Variants in EEFSEC observed in about 807,000 individuals in gnomAD.
The protein encoded by EEFSEC is selenocysteine-specific elongation factor.
EEFSEC carries 43 observed loss-of-function variants against 42.1 expected under a neutral mutation model. The ratio of observed to expected loss-of-function variants is 1.02; its 90% confidence interval spans 0.80 to 1.32. The LOEUF is 1.32. Among genes scored for constraint, EEFSEC ranks in the 40% most tolerant of loss-of-function variants. The probability of loss-of-function intolerance (pLI) is 0.00; values close to 1 mark genes in which losing one functional copy is unlikely to be tolerated. For missense variants in EEFSEC, 745 were observed against 803.6 expected (o/e 0.93, Z 0.88); for synonymous variants, 354 against 339.1 (o/e 1.04, Z -0.48).
intron 1 of EEFSEC, among the ~76,000 whole-genome samples, chr3:128,215,655 A>T (rs931997773): frequency 2.0e-5 from 3 of 152,184 alleles, no homozygotes; most frequent in African/African-American, 7.2e-5. Context: ...TCCACCCCAA[A>T]CTGATTCTTA....
At chr3:128,207,397 T>G (rs2065708917) in intron 1 of EEFSEC, among the ~76,000 whole-genome samples, 1 of 152,076 alleles carries the variant, frequency 6.6e-6, no homozygotes. Context: ...CTGTGAACTA[T>G]GAAGAGGAGC....
chr3:128,284,671 G>A (rs1219210850), intron 4 of EEFSEC, among the ~76,000 whole-genome samples: 2 of 152,172 alleles, frequency 1.3e-5, no homozygotes, highest in Admixed American at 6.5e-5. Flanking sequence ...AAAGGGAAGG[G>A]TACAAAATCC....
intron 4 of EEFSEC, among the ~76,000 whole-genome samples, chr3:128,319,728 G>A (rs1459904864): frequency 1.3e-5 from 2 of 152,182 alleles, no homozygotes; most frequent in East Asian, 3.9e-4. Flanking sequence ...AGGAGGAGAC[G>A]ATCTGAATGC....
intron 1 of EEFSEC, among the ~76,000 whole-genome samples, chr3:128,166,034 A>G (rs752570991): frequency 6.6e-6 from 1 of 152,092 alleles, no homozygotes; most frequent in Non-Finnish European, 1.5e-5. Flanking sequence ...AGCATTCTCT[A>G]TTTTCTAAAA....
At chr3:128,227,514 G>A (rs2065920216) in intron 1 of EEFSEC, among the ~76,000 whole-genome samples, 1 of 152,158 alleles carries the variant, frequency 6.6e-6, no homozygotes, top group Admixed American at 6.5e-5. Context: ...TCCTGCCTTG[G>A]TTTCTTTGCT....
intron 6 of EEFSEC, among the ~76,000 whole-genome samples, chr3:128,379,161 C>T (rs2067744409): frequency 6.6e-6 from 1 of 152,236 alleles, no homozygotes; most frequent in Non-Finnish European, 1.5e-5. Flanking sequence ...CTGCTGCCAA[C>T]CCCCACCCAG....
chr3:128,209,086 A>G (rs1444765659), intron 1 of EEFSEC, among the ~76,000 whole-genome samples: 2 of 152,240 alleles, frequency 1.3e-5, no homozygotes, highest in Admixed American at 1.3e-4. Flanking sequence ...TTCCCAAAGC[A>G]TACTTTGTAG....
rs111312989 is a variant in EEFSEC at position 128,408,193 on chromosome 3, G to A, written c.1725G>A (p.Val575=). 2.1e-5 allele frequency: 34 copies of A among 1,612,736 alleles called. 2 individuals are homozygous for A. Among genetic ancestry groups the A allele is most frequent in the African/African-American group, 1.7e-4 (13 of 74,994 alleles). ...SAERSEPSQH[V]VLSLTFKRYV... ...AGCGGAGCGAGCCCTCACAGCATGTGGTGCTCAGCCTGACTTTCAAGCGTT... is the reference window on the plus strand; with the variant it reads ...AGCGGAGCGAGCCCTCACAGCATGTAGTGCTCAGCCTGACTTTCAAGCGTT... The change falls in exon 7 of 7, where the codon GTG becomes GTA. Residue 575 remains valine, a synonymous_variant. Coordinates refer to ENST00000254730, the MANE Select transcript of EEFSEC (RefSeq NM_021937.5).
At chr3:128,156,636 T>G (rs1181521335) in intron 1 of EEFSEC, among the ~76,000 whole-genome samples, 1 of 152,256 alleles carries the variant, frequency 6.6e-6, no homozygotes, top group African/African-American at 2.4e-5. Context: ...TTCACTTCAT[T>G]TCAAACACAT....
chr3:128,156,707 A>C (rs796169957), intron 1 of EEFSEC, among the ~76,000 whole-genome samples: 7 of 152,366 alleles, frequency 4.6e-5, no homozygotes, highest in African/African-American at 1.7e-4. Flanking sequence ...TAATTTTGAA[A>C]TGTCACAAAC....
rs1169285359 is a variant in EEFSEC at position 128,154,528 on chromosome 3, C to T, written c.316+705C>T. Among the ~76,000 whole-genome samples the T allele has an allele frequency of 2.6e-5, 4 of 151,968 alleles. No individual in the cohort carries two copies. In the East Asian group the frequency reaches 7.7e-4, roughly 29 times the overall value. ...GCAGTGGCACGATCTCGGCTCACTG[C>T]AACTTCCGCCTCCTGGGTTCAAGCG... On this transcript the variant is annotated intron_variant, in intron 1 of 6. Coordinates refer to ENST00000254730, the MANE Select transcript of EEFSEC (RefSeq NM_021937.5).
chr3:128,360,433 G>T (rs2067510722), intron 6 of EEFSEC, among the ~76,000 whole-genome samples: 1 of 152,250 alleles, frequency 6.6e-6, no homozygotes. Context: ...ATACTGAGGA[G>T]CACTGATCCT....
intron 4 of EEFSEC, among the ~76,000 whole-genome samples, chr3:128,276,109 C>T (rs953940695): frequency 6.6e-6 from 1 of 152,226 alleles, no homozygotes; most frequent in African/African-American, 2.4e-5. Context: ...TCCTCACCCT[C>T]CTGGGCTCAG....
At chr3:128,417,191 G>C in the EEFSEC span, among the ~76,000 whole-genome samples, 4 of 152,008 alleles carry the variant, frequency 2.6e-5, no homozygotes, top group African/African-American at 4.8e-5. The surrounding 1 kb of genome is among the most constrained non-coding windows in gnomAD (Gnocchi z 4.3). Context: ...CTGTTAAAAC[G>C]TGTCAGGGCC....
intron 4 of EEFSEC, among the ~76,000 whole-genome samples, chr3:128,289,803 C>G (rs1430498596): frequency 2.6e-5 from 4 of 152,222 alleles, no homozygotes; most frequent in Admixed American, 2.6e-4. Flanking sequence ...ACATCTGTCT[C>G]ATTGCTGTGG....
intron 6 of EEFSEC, among the ~76,000 whole-genome samples, chr3:128,405,791 G>A (rs958325578): frequency 2.6e-5 from 4 of 152,266 alleles, no homozygotes; most frequent in Non-Finnish European, 5.9e-5. Context: ...AGGAAGCTGG[G>A]CCCTCTGCCT....
intron 1 of EEFSEC, among the ~76,000 whole-genome samples, chr3:128,162,030 G>A (rs894454200): frequency 6.6e-6 from 1 of 152,184 alleles, no homozygotes; most frequent in African/African-American, 2.4e-5. Flanking sequence ...GTCTTTTCAG[G>A]AGAATCTGTG....
intron 4 of EEFSEC, among the ~76,000 whole-genome samples, chr3:128,288,959 A>T (rs543130247): frequency 6.6e-6 from 1 of 152,328 alleles, no homozygotes; most frequent in South Asian, 2.1e-4. Context: ...TGTCCTTGAA[A>T]TGGTGGCCTT....
intron 6 of EEFSEC, among the ~76,000 whole-genome samples, chr3:128,407,148 G>GT (rs2068124810): frequency 2.0e-5 from 3 of 152,106 alleles, no homozygotes; most frequent in Non-Finnish European, 4.4e-5. Flanking sequence ...AGGTGTTGGA[G>GT]TGGGTGCGTG....
Sources: allele counts gnomAD v4.1 joint callset (sites outside exome capture counted in the v4.1 genomes callset), GRCh38; gene constraint gnomAD v4.1.1; non-coding constraint Gnocchi (gnomAD v3.1); transcripts MANE v1.5; gene names NCBI Gene and HGNC (gene_info 2026-07-23, HGNC 2026-07-21).